The following EPHA3 variants were observed in gnomAD, a reference collection of about 807,000 sequenced individuals.
EPHA3 encodes EPH receptor A3.
In EPHA3, 42 loss-of-function variants were observed where a neutral mutation model predicts 107.1. That is an observed-to-expected ratio of 0.39 (90% CI 0.31 to 0.51). The LOEUF is 0.51. EPHA3 is among the 20% of genes least tolerant of loss of function. EPHA3 has a pLI of 0.78. For synonymous variants in EPHA3, 461 were observed against 424.8 expected (o/e 1.09, Z -1.05); for missense variants, 1,183 against 1,211.2 (o/e 0.98, Z 0.35).
chr3:89,443,176 A>G (rs1709816522), intron 13 of EPHA3, among the ~76,000 whole-genome samples: 1 of 152,148 alleles, frequency 6.6e-6, no homozygotes, highest in African/African-American at 2.4e-5. Context: ...AATTAATTGT[A>G]TTTTTAGGTT....
chr3:89,235,298 G>T (rs932641049), intron 3 of EPHA3, among the ~76,000 whole-genome samples: 3 of 152,034 alleles, frequency 2.0e-5, no homozygotes, highest in African/African-American at 7.2e-5. Context: ...CATTAAAAGT[G>T]CATTCTTTTC....
Position 89,205,237 on chromosome 3 carries a change from C to T in EPHA3, c.154-4623C>T, listed in dbSNP as rs75823773. Among the ~76,000 whole-genome samples the T allele has an allele frequency of 5.4e-4, 82 of 152,154 alleles. 2 individuals carry two copies. In the East Asian group the frequency reaches 0.014, roughly 26 times the overall value. ...GTTAGCAAATAAATAAAAATGTTTT[C>T]TATGAAAGTAATTAATATCAACAAT... On this transcript the variant is annotated intron_variant, in intron 2 of 16. Transcript: ENST00000336596.
At chr3:89,306,002 GC>G (rs969876057) in intron 3 of EPHA3, among the ~76,000 whole-genome samples, 3 of 152,112 alleles carry the variant, frequency 2.0e-5, no homozygotes, top group Non-Finnish European at 4.4e-5. Context: ...CAATAGGTAA[GC>G]CTTCCCAGAT....
chr3:89,448,326 C>A (rs142584643), intron 13 of EPHA3, among the ~76,000 whole-genome samples: 1 of 152,092 alleles, frequency 6.6e-6, no homozygotes, highest in Non-Finnish European at 1.5e-5. Flanking sequence ...ATACCTATTT[C>A]GTTCTGTATC....
intron 5 of EPHA3, among the ~76,000 whole-genome samples, chr3:89,389,010 C>G (rs1354969474): frequency 6.6e-6 from 1 of 152,104 alleles, no homozygotes; most frequent in African/African-American, 2.4e-5. Context: ...TAATCCACGG[C>G]TGGAAAAGTA....
intron 2 of EPHA3, among the ~76,000 whole-genome samples, chr3:89,200,787 T>C (rs564207196): frequency 5.0e-4 from 76 of 152,258 alleles, no homozygotes; most frequent in African/African-American, 1.8e-3. Context: ...TTTCCCTGGG[T>C]ACTCTGTTTT....
intron 5 of EPHA3, among the ~76,000 whole-genome samples, chr3:89,347,537 A>T (rs941360966): frequency 6.7e-6 from 1 of 148,582 alleles, no homozygotes; most frequent in African/African-American, 2.5e-5. Context: ...GGTTTTCTAG[A>T]TATACAATCA....
intron 13 of EPHA3, among the ~76,000 whole-genome samples, chr3:89,439,834 G>A (rs1022248269): frequency 1.3e-5 from 2 of 151,904 alleles, no homozygotes; most frequent in African/African-American, 4.8e-5. Context: ...TCATACATCA[G>A]ATTACTTAGT....
chr3:89,180,516 T>A (rs541692959), intron 2 of EPHA3, among the ~76,000 whole-genome samples: 1 of 152,140 alleles, frequency 6.6e-6, no homozygotes, highest in East Asian at 1.9e-4. Context: ...AAATATTGTT[T>A]TGACATTGTG....
chr3:89,324,007 A>T (rs1707102550), intron 3 of EPHA3, among the ~76,000 whole-genome samples: 1 of 152,038 alleles, frequency 6.6e-6, no homozygotes, highest in African/African-American at 2.4e-5. Context: ...TACTACAGCA[A>T]ATGCTAACTT....
At chr3:89,446,930 T>C (rs920338699) in intron 13 of EPHA3, among the ~76,000 whole-genome samples, 3 of 152,134 alleles carry the variant, frequency 2.0e-5, no homozygotes, top group African/African-American at 7.2e-5. Context: ...ATTTTTAAGA[T>C]ACTGTACCTC....
At chr3:89,280,802 G>C (rs1303431301) in intron 3 of EPHA3, among the ~76,000 whole-genome samples, 1 of 151,948 alleles carries the variant, frequency 6.6e-6, no homozygotes, top group Non-Finnish European at 1.5e-5. Context: ...TCTATGAGTA[G>C]GGTAGATTTT....
intron 5 of EPHA3, among the ~76,000 whole-genome samples, chr3:89,381,457 G>T (rs1708505913): frequency 6.6e-6 from 1 of 151,714 alleles, no homozygotes; most frequent in Admixed American, 6.6e-5. Flanking sequence ...ATCACTTGAG[G>T]CCAGGAGTTC....
chr3:89,365,304 G>A (rs1708166057), intron 5 of EPHA3, among the ~76,000 whole-genome samples: 1 of 150,702 alleles, frequency 6.6e-6, no homozygotes, highest in Admixed American at 6.7e-5. Flanking sequence ...AGGCAGAGTA[G>A]AGGGGAAGAC....
intron 3 of EPHA3, among the ~76,000 whole-genome samples, chr3:89,280,392 A>G (rs904731690): frequency 1.3e-5 from 2 of 152,068 alleles, no homozygotes; most frequent in African/African-American, 2.4e-5. Context: ...AGGTTGAAGT[A>G]AAAAAATGGG....
chr3:89,372,297 C>T (rs1314156976), intron 5 of EPHA3, among the ~76,000 whole-genome samples: 14 of 151,596 alleles, frequency 9.2e-5, no homozygotes, highest in Admixed American at 7.9e-4. Flanking sequence ...GCTTCATATA[C>T]AAATTTAAGG....
At chr3:89,227,412 C>G (rs1162168377) in intron 3 of EPHA3, among the ~76,000 whole-genome samples, 1 of 151,974 alleles carries the variant, frequency 6.6e-6, no homozygotes, top group South Asian at 2.1e-4. Context: ...ACTTGCAGGT[C>G]TCTAATCCCT....
At chr3:89,288,504 A>T (rs945068947) in intron 3 of EPHA3, among the ~76,000 whole-genome samples, 14 of 152,152 alleles carry the variant, frequency 9.2e-5, no homozygotes. Context: ...TTAAGTGATT[A>T]AAAGTGTTAT....
At chr3:89,454,777 T>A (rs1295412428) in intron 15 of EPHA3, among the ~76,000 whole-genome samples, 1 of 152,144 alleles carries the variant, frequency 6.6e-6, no homozygotes, top group Non-Finnish European at 1.5e-5. Context: ...GGATAACTTG[T>A]GGCCAGGAGT....
Sources: allele counts gnomAD v4.1 joint callset (sites outside exome capture counted in the v4.1 genomes callset), GRCh38; gene constraint gnomAD v4.1.1; transcripts MANE v1.5; gene names NCBI Gene and HGNC (gene_info 2026-07-23, HGNC 2026-07-21).